MIPOL1: variants seen among roughly 807,000 people sequenced by gnomAD.
The protein encoded by MIPOL1 is mirror-image polydactyly 1, also known as mirror-image polydactyly gene 1 protein.
A neutral mutation model predicts 60.9 loss-of-function variants in MIPOL1; 57 were observed. That is an observed-to-expected ratio of 0.94 (90% CI 0.76 to 1.17). MIPOL1 has a LOEUF of 1.17. Among genes scored for constraint, MIPOL1 ranks in the 50% most tolerant of loss-of-function variants. The pLI, the probability that MIPOL1 is intolerant of heterozygous loss-of-function variation, is 0.00. For synonymous variants in MIPOL1, 179 were observed against 168.8 expected (o/e 1.06, Z -0.47); for missense variants, 551 against 511.6 (o/e 1.08, Z -0.74).
chr14:37,516,223 C>T (rs886575975), intron 12 of MIPOL1, among the ~76,000 whole-genome samples: 1 of 152,098 alleles, frequency 6.6e-6, no homozygotes, highest in Non-Finnish European at 1.5e-5. Context: ...AATGAGTATA[C>T]AGGTCAGTGT....
At chr14:37,291,043 T>C (rs759186470) in intron 7 of MIPOL1, among the ~76,000 whole-genome samples, 2 of 152,194 alleles carry the variant, frequency 1.3e-5, no homozygotes, top group African/African-American at 2.4e-5. Context: ...GGAAATGATC[T>C]TGTGCTTTTT....
intron 11 of MIPOL1, among the ~76,000 whole-genome samples, chr14:37,426,501 C>T (rs1393328833): frequency 6.8e-6 from 1 of 147,908 alleles, no homozygotes; most frequent in African/African-American, 2.5e-5. Context: ...GTGGAGGTTG[C>T]AGTGAGCCAA....
chr14:37,417,985 G>T (rs1185267699), intron 10 of MIPOL1, among the ~76,000 whole-genome samples: 2 of 151,994 alleles, frequency 1.3e-5, no homozygotes, highest in Non-Finnish European at 2.9e-5. Context: ...ATAAAAGTAA[G>T]GTTCCGTATT....
In MIPOL1 at chr14:37,201,023, T is replaced by C. The variant is rs373655770; in HGVS notation, c.-199+2919T>C. 1.1e-4 allele frequency among the ~76,000 whole-genome samples: 17 copies of C among 151,336 alleles called. 2 individuals are homozygous for C. The highest frequency in any genetic ancestry group is 4.1e-4 in the African/African-American group (17 of 41,238). The stretch of plus-strand genomic sequence containing the variant: ...GCTGAAGTGATCCTCTCACCTCGGC[T>C]TCCCAAGTAGCTAGGGTTACAGGCA... On this transcript the variant is annotated intron_variant, in intron 1 of 12. Coordinates refer to ENST00000684589, the MANE Select transcript of MIPOL1 (RefSeq NM_001388067.1).
At chr14:37,222,224 T>C (rs1406043732) in intron 1 of MIPOL1, among the ~76,000 whole-genome samples, 14 of 146,180 alleles carry the variant, frequency 9.6e-5, no homozygotes, top group African/African-American at 2.5e-4. Context: ...AAACATTGCT[T>C]TTTTTTTTTT....
chr14:37,321,276 T>G (rs1008998662), intron 9 of MIPOL1, among the ~76,000 whole-genome samples: 1 of 152,040 alleles, frequency 6.6e-6, no homozygotes. Flanking sequence ...TTTCTCATTA[T>G]TATATATGTG....
At chr14:37,528,303 C>T (rs560274122) in intron 12 of MIPOL1, among the ~76,000 whole-genome samples, 1 of 151,954 alleles carries the variant, frequency 6.6e-6, no homozygotes, top group African/African-American at 2.4e-5. Context: ...GAAGAATAAA[C>T]AATTTAAATG....
At chr14:37,332,420 G>A (rs2089773704) in intron 9 of MIPOL1, among the ~76,000 whole-genome samples, 1 of 152,130 alleles carries the variant, frequency 6.6e-6, no homozygotes, top group South Asian at 2.1e-4. Flanking sequence ...ACTTGATCAT[G>A]TTGAATCAAA....
intron 10 of MIPOL1, among the ~76,000 whole-genome samples, chr14:37,402,553 C>T (rs928239977): frequency 2.0e-5 from 3 of 152,132 alleles, no homozygotes; most frequent in Non-Finnish European, 4.4e-5. Context: ...CAGTGAAATT[C>T]TTAAATTGAA....
chr14:37,433,882 A>G (rs2094119143), intron 11 of MIPOL1, among the ~76,000 whole-genome samples: 1 of 152,156 alleles, frequency 6.6e-6, no homozygotes, highest in Non-Finnish European at 1.5e-5. Flanking sequence ...TTATGGCTGC[A>G]TAGTAGTCCA....
intron 12 of MIPOL1, among the ~76,000 whole-genome samples, chr14:37,512,648 T>G (rs1042638276): frequency 2.0e-5 from 3 of 152,108 alleles, no homozygotes; most frequent in Non-Finnish European, 4.4e-5. Flanking sequence ...TTAAAATTAT[T>G]CTAGTTCTTG....
chr14:37,351,436 G>A (rs1209043300), intron 9 of MIPOL1, among the ~76,000 whole-genome samples: 1 of 151,736 alleles, frequency 6.6e-6, no homozygotes, highest in Non-Finnish European at 1.5e-5. Flanking sequence ...TAATGGGATG[G>A]CTGGCTCAAA....
intron 1 of MIPOL1, among the ~76,000 whole-genome samples, chr14:37,204,447 G>A (rs1438221059): frequency 3.3e-5 from 5 of 152,086 alleles, no homozygotes; most frequent in African/African-American, 9.7e-5. Context: ...TTCATGTTGT[G>A]GGAGGGATCC....
intron 12 of MIPOL1, among the ~76,000 whole-genome samples, chr14:37,525,231 A>T (rs755523843): frequency 5.9e-5 from 9 of 152,228 alleles, no homozygotes; most frequent in Non-Finnish European, 1.3e-4. Context: ...GCAGCATCTG[A>T]CATCACTGAG....
rs141087734 is a variant in MIPOL1, at chr14:37,456,020, G to A, written c.1031+33071G>A. On this transcript the variant is annotated intron_variant, in intron 11 of 12. Transcript: ENST00000684589. ...TTATTCAATTGTGTTTCAATAAATT[G>A]CAAAAATATAGGATGTGCTGACAGC... Among the ~76,000 whole-genome samples, 918 of 151,864 alleles carry A rather than the reference G, an allele frequency of 6.0e-3. 13 individuals carry two copies. The highest frequency in any genetic ancestry group is 0.02 in the African/African-American group (849 of 41,470).
chr14:37,474,454 T>A (rs2094737232), intron 11 of MIPOL1, among the ~76,000 whole-genome samples: 1 of 152,104 alleles, frequency 6.6e-6, no homozygotes, highest in Admixed American at 6.6e-5. Context: ...AGTGAATAAG[T>A]CTCATGAGAT....
At chr14:37,438,596 A>G (rs1229739752) in intron 11 of MIPOL1, among the ~76,000 whole-genome samples, 2 of 152,192 alleles carry the variant, frequency 1.3e-5, no homozygotes, top group African/African-American at 4.8e-5. Context: ...GTACTTCAGC[A>G]TTATTTCCCT....
chr14:37,530,974 C>A (rs1424018579), intron 12 of MIPOL1, among the ~76,000 whole-genome samples: 1 of 151,942 alleles, frequency 6.6e-6, no homozygotes, highest in Non-Finnish European at 1.5e-5. Context: ...CCCGCCCCCA[C>A]GCCTGGCTAA....
chr14:37,381,374 A>G (rs2092919959), intron 10 of MIPOL1, among the ~76,000 whole-genome samples: 1 of 152,044 alleles, frequency 6.6e-6, no homozygotes, highest in Non-Finnish European at 1.5e-5. Flanking sequence ...GACTTTTCGT[A>G]TTACAATGGC....
Sources: gnomAD v4.1 joint callset for allele counts (sites outside exome capture counted in the v4.1 genomes callset) on GRCh38, gnomAD v4.1.1 for gene constraint, MANE v1.5 for transcripts, NCBI Gene and HGNC (gene_info 2026-07-23, HGNC 2026-07-21) for gene names.